The following ITGA9 variants were observed in gnomAD, a reference collection of about 807,000 sequenced individuals.
ITGA9 encodes integrin alpha-9.
A neutral mutation model predicts 127.8 loss-of-function variants in ITGA9; 56 were observed. The ratio of observed to expected loss-of-function variants is 0.44; its 90% CI spans 0.35 to 0.55. The LOEUF (loss-of-function observed/expected upper bound fraction) is 0.55. ITGA9 is among the 20% of genes least tolerant of loss of function. The probability of loss-of-function intolerance (pLI) is 0.00; values close to 1 mark genes in which losing one functional copy is unlikely to be tolerated. For synonymous variants in ITGA9, 508 were observed against 514.5 expected (o/e 0.99, Z 0.17); for missense variants, 1,196 against 1,347.1 (o/e 0.89, Z 1.76).
chr3:37,606,950 A>C (rs1449369955), intron 15 of ITGA9, among the ~76,000 whole-genome samples: 2 of 148,932 alleles, frequency 1.3e-5, no homozygotes, highest in East Asian at 3.9e-4. Flanking sequence ...GGGCCATAAC[A>C]ATAGCAGGGC....
chr3:37,787,908 G>A (rs990700007), intron 26 of ITGA9, among the ~76,000 whole-genome samples: 7 of 152,182 alleles, frequency 4.6e-5, no homozygotes, highest in East Asian at 1.9e-4. Context: ...ACGTGTGCAC[G>A]GTGGTAAATT....
intron 3 of ITGA9, among the ~76,000 whole-genome samples, chr3:37,480,556 C>G (rs1017979026): frequency 6.6e-6 from 1 of 152,170 alleles, no homozygotes; most frequent in Non-Finnish European, 1.5e-5. Context: ...CTTGCTAGGG[C>G]CTTGGTGACA....
intron 16 of ITGA9, among the ~76,000 whole-genome samples, chr3:37,633,974 C>T (rs746626183): frequency 5.3e-5 from 8 of 152,054 alleles, no homozygotes; most frequent in Non-Finnish European, 1.0e-4. Flanking sequence ...AGTTGGAGAC[C>T]GTCTCTATGT....
rs776130646 is a variant in ITGA9, at chr3:37,803,857, G to A, written c.2924G>A (p.Arg975His). 2.4e-5 allele frequency: 39 copies of A among 1,614,040 alleles called. No individual in the cohort carries two copies. Among genetic ancestry groups the A allele is most frequent in the Admixed American group, 1.3e-4 (8 of 60,004 alleles). Residue 975 changes from arginine to histidine, a missense_variant, in exon 27 of 28, where the codon CGT (arginine) becomes CAT (histidine). Physicochemically the swap from Arg to His is conservative, Grantham distance 29. Transcript: ENST00000264741. ...VFEALHNLEP[R>H]GYVVGWIIAI... ...GAGGCCCTGCACAATCTGGAGCCCC[G>A]TGGCTACGTCGTGGGGTGGATCATC...
In ITGA9 at chr3:37,522,724, T is replaced by TA. The variant is rs35125393; in HGVS notation, c.1237-783dup. On this transcript the variant is annotated intron_variant, in intron 11 of 27. Coordinates refer to ENST00000264741, the MANE Select transcript of ITGA9 (RefSeq NM_002207.3). ...GGCAACAGAGCAAGACTCTATCTCT[T>TA]AAAAAAAAAAAAAAGAGAAAGTTTT... Among the ~76,000 whole-genome samples the TA allele has an allele frequency of 2.7e-3, 399 of 145,542 alleles. 1 individual carries two copies. The highest frequency in any genetic ancestry group is 8.2e-3 in the African/African-American group (326 of 39,528).
chr3:37,579,246 A>G (rs1699680778), intron 15 of ITGA9, among the ~76,000 whole-genome samples: 1 of 152,198 alleles, frequency 6.6e-6, no homozygotes, highest in Admixed American at 6.5e-5. Flanking sequence ...GTAGAGGTTT[A>G]TTCTCACACC....
Position 37,613,322 on chromosome 3 carries a change from C to A in ITGA9, c.1690-15865C>A, listed in dbSNP as rs188695940. 6.6e-5 allele frequency among the ~76,000 whole-genome samples: 10 copies of A among 152,302 alleles called. No individual in the cohort carries two copies. The East Asian group carries it at 1.2e-3, about 18-fold the overall frequency. ...CATTTTTTATGGCTGCATAGTATTC[C>A]ATGGTGTATATGTGTCACATTTTCT... On this transcript the variant is annotated intron_variant, in intron 15 of 27. Transcript: ENST00000264741.
chr3:37,676,494 A>T (rs1462723149), intron 17 of ITGA9, among the ~76,000 whole-genome samples: 3 of 152,196 alleles, frequency 2.0e-5, no homozygotes, highest in Non-Finnish European at 4.4e-5. Flanking sequence ...TCAGAGGCTT[A>T]ATTCTTAGGC....
intron 18 of ITGA9, among the ~76,000 whole-genome samples, chr3:37,701,382 A>G (rs1700943799): frequency 6.6e-6 from 1 of 152,238 alleles, no homozygotes; most frequent in Admixed American, 6.5e-5. Flanking sequence ...GGGATATATT[A>G]GGAAGTGAGA....
At chr3:37,490,975 CTTTTT>C (rs1553642022) in intron 4 of ITGA9, among the ~76,000 whole-genome samples, 1 of 105,102 alleles carries the variant, frequency 9.5e-6, no homozygotes. Context: ...TTCCCCCCCG[CTTTTT>C]TTTTTTTTTT....
intron 15 of ITGA9, among the ~76,000 whole-genome samples, chr3:37,567,240 G>C (rs149478676): frequency 3.9e-5 from 6 of 152,306 alleles, no homozygotes; most frequent in South Asian, 2.1e-4. Context: ...TTGTGCAGGG[G>C]AACTCCTCTT....
At chr3:37,780,507 G>C (rs1696963723) in intron 25 of ITGA9, among the ~76,000 whole-genome samples, 1 of 137,608 alleles carries the variant, frequency 7.3e-6, no homozygotes, top group Admixed American at 7.7e-5. Flanking sequence ...TTATGGCTGA[G>C]TAATATTCCA....
At chr3:37,678,372 A>G (rs1700703144) in intron 17 of ITGA9, among the ~76,000 whole-genome samples, 2 of 152,154 alleles carry the variant, frequency 1.3e-5, no homozygotes, top group Admixed American at 1.3e-4. Context: ...CCTAATAGTC[A>G]TGAAGTGGGA....
chr3:37,774,809 T>C (rs1437983658), intron 23 of ITGA9, among the ~76,000 whole-genome samples: 1 of 152,236 alleles, frequency 6.6e-6, no homozygotes, highest in African/African-American at 2.4e-5. Flanking sequence ...GAGAAACTTT[T>C]ATAGGCAACA....
intron 18 of ITGA9, among the ~76,000 whole-genome samples, chr3:37,710,453 A>G (rs779663064): frequency 2.6e-5 from 4 of 152,086 alleles, no homozygotes; most frequent in Middle Eastern, 3.2e-3. Context: ...TCGGAGGATG[A>G]ACCCACGAGC....
At chr3:37,595,191 G>A (rs7611350) in intron 15 of ITGA9, among the ~76,000 whole-genome samples, 96,467 of 151,828 alleles carry the variant, frequency 0.64, 31,002 homozygotes, top group East Asian at 0.73. Context: ...TGCAGCCTCA[G>A]CAGCCCAGGC....
At chr3:37,818,584 A>G in intron 27 of ITGA9, 1 of 391,648 alleles carries the variant, frequency 2.6e-6, no homozygotes, top group East Asian at 5.7e-5. Flanking sequence ...TTTTACTCCC[A>G]AACACCTTTG....
At chr3:37,672,043 A>T (rs1700641227) in intron 17 of ITGA9, among the ~76,000 whole-genome samples, 1 of 152,198 alleles carries the variant, frequency 6.6e-6, no homozygotes, top group Non-Finnish European at 1.5e-5. Flanking sequence ...GCAGACAAGT[A>T]TCCAGATAGA....
At chr3:37,567,745 G>C (rs1575152671) in intron 15 of ITGA9, among the ~76,000 whole-genome samples, 1 of 152,164 alleles carries the variant, frequency 6.6e-6, no homozygotes, top group African/African-American at 2.4e-5. Context: ...GCTCCAAAAT[G>C]ATCTCCTTTT....
Sources: gnomAD v4.1 joint callset for allele counts (sites outside exome capture counted in the v4.1 genomes callset) on GRCh38, gnomAD v4.1.1 for gene constraint, MANE v1.5 for transcripts, NCBI Gene and HGNC (gene_info 2026-07-23, HGNC 2026-07-21) for gene names.